The following NOL4 variants were observed in gnomAD, a reference collection of about 807,000 sequenced individuals.
The protein encoded by NOL4 is nucleolar protein 4.
Under a neutral mutation model 75.9 loss-of-function variants are expected in NOL4, and 17 were observed. The observed-to-expected ratio is 0.22, with a 90% CI of 0.15 to 0.34. The LOEUF (loss-of-function observed/expected upper bound fraction) is 0.34, where lower values mean the gene tolerates loss of function less well. Among genes scored for constraint, NOL4 ranks in the 10% least tolerant of loss-of-function variants. NOL4 has a pLI of 1.00. For synonymous variants in NOL4, 292 were observed against 289.9 expected (o/e 1.01, Z -0.07); for missense variants, 614 against 793.5 (o/e 0.77, Z 2.72).
At chr18:34,007,084 C>T (rs550567519) in intron 6 of NOL4, among the ~76,000 whole-genome samples, 8 of 152,100 alleles carry the variant, frequency 5.3e-5, no homozygotes, top group African/African-American at 1.9e-4. Context: ...CCAGGAGACA[C>T]AACAATGATT....
intron 1 of NOL4, among the ~76,000 whole-genome samples, chr18:34,131,710 C>T (rs2080659270): frequency 6.6e-6 from 1 of 152,092 alleles, no homozygotes; most frequent in Admixed American, 6.6e-5. Context: ...ACTCATTTAT[C>T]TAGCTAAATA....
chr18:33,919,487 T>C (rs964027628), intron 9 of NOL4, among the ~76,000 whole-genome samples: 2 of 152,196 alleles, frequency 1.3e-5, no homozygotes, highest in African/African-American at 4.8e-5. Flanking sequence ...CAGTGGTCAC[T>C]TCCATAATGC....
intron 6 of NOL4, among the ~76,000 whole-genome samples, chr18:34,013,843 AGT>A (rs1369890338): frequency 1.3e-5 from 2 of 151,814 alleles, no homozygotes; most frequent in Non-Finnish European, 2.9e-5. Context: ...CACTCAGGAG[AGT>A]GTCTCACACA....
intron 5 of NOL4, among the ~76,000 whole-genome samples, chr18:34,036,526 C>G (rs1320812083): frequency 6.6e-6 from 1 of 152,162 alleles, no homozygotes. Flanking sequence ...AGGTTGAAAG[C>G]TTTTTCCTTA....
rs563717153 is a variant in NOL4 at position 33,939,340 on chromosome 18, A to C, written c.1542+3725T>G. 4.4e-4 allele frequency among the ~76,000 whole-genome samples: 67 copies of C among 152,216 alleles called. No individual in the cohort carries two copies. The South Asian group carries it at 0.013, about 30-fold the overall frequency. On this transcript the variant is annotated intron_variant, in intron 9 of 10. Coordinates refer to ENST00000261592, the MANE Select transcript of NOL4 (RefSeq NM_003787.5). Reference sequence around the variant, plus strand: ...AAGTCAATGGTAGCTTGATGGGGATAACAATGAATCTATAAATTACTTTGG... The same window carrying C: ...AAGTCAATGGTAGCTTGATGGGGATCACAATGAATCTATAAATTACTTTGG...
intron 5 of NOL4, among the ~76,000 whole-genome samples, chr18:34,071,958 C>G (rs1035386964): frequency 6.6e-6 from 1 of 152,108 alleles, no homozygotes; most frequent in South Asian, 2.1e-4. Flanking sequence ...AGGGGCCAGG[C>G]GCAGTAGCTC....
chr18:33,958,410 TGCA>T lies in NOL4; in HGVS notation c.1062_1064del (p.Ala355del). ...CAGAGTCATAGCTGGAGTAACTATG[TGCA>T]GGAGACTGAAAAGAGAAGGTGAAAT... On this transcript the variant is annotated inframe_deletion, in exon 7 of 11. Coordinates refer to ENST00000261592, the MANE Select transcript of NOL4 (RefSeq NM_003787.5). 6.2e-7 allele frequency: 1 copy of T among 1,604,238 alleles called. No individual in the cohort carries two copies. The highest frequency in any genetic ancestry group is 8.5e-7 in the Non-Finnish European group (1 of 1,175,054).
intron 2 of NOL4, among the ~76,000 whole-genome samples, chr18:34,105,751 T>A (rs2079243117): frequency 6.6e-6 from 1 of 152,028 alleles, no homozygotes; most frequent in Non-Finnish European, 1.5e-5. Context: ...ATTTCATTCA[T>A]TTTATGTCAA....
intron 2 of NOL4, among the ~76,000 whole-genome samples, chr18:34,114,635 T>C (rs1386569568): frequency 6.6e-6 from 1 of 152,226 alleles, no homozygotes; most frequent in Non-Finnish European, 1.5e-5. Flanking sequence ...ACTGTGGTTT[T>C]ACTACCATTA....
At chr18:34,104,631 T>C (rs754554633) in intron 3 of NOL4, among the ~76,000 whole-genome samples, 37 of 151,972 alleles carry the variant, frequency 2.4e-4, no homozygotes, top group Non-Finnish European at 4.1e-4. Flanking sequence ...TTCAATAATT[T>C]TAATGAGAGC....
In NOL4 at chr18:34,064,617, T is replaced by C. The variant is rs559224101; in HGVS notation, c.772+28848A>G. Among the ~76,000 whole-genome samples, 4 of 152,106 alleles carry C rather than the reference T, an allele frequency of 2.6e-5. No homozygotes were observed. The South Asian group carries it at 8.3e-4, about 31-fold the overall frequency. ...AATACCAATTTATGCTCATAGATTA[T>C]TATTATTATGAAAACTACCCTTTGA... On this transcript the variant is annotated intron_variant, in intron 5 of 10. Transcript: ENST00000261592.
At chr18:34,128,650 A>C (rs1424153849) in intron 2 of NOL4, among the ~76,000 whole-genome samples, 2 of 152,048 alleles carry the variant, frequency 1.3e-5, no homozygotes, top group South Asian at 2.1e-4. Context: ...GGAAACTTAC[A>C]ATAGTGCCTG....
chr18:33,970,879 G>A (rs2071001573), intron 6 of NOL4, among the ~76,000 whole-genome samples: 1 of 152,100 alleles, frequency 6.6e-6, no homozygotes, highest in Non-Finnish European at 1.5e-5. Flanking sequence ...TCCATACAAT[G>A]TGTGAAAAGA....
At chr18:34,210,689 GGTCATAC>G (rs2036454219) in intron 1 of NOL4, among the ~76,000 whole-genome samples, 1 of 152,126 alleles carries the variant, frequency 6.6e-6, no homozygotes, top group South Asian at 2.1e-4. Flanking sequence ...GTTACAGTCT[GGTCATAC>G]AGTGTTATAG....
At chr18:34,017,329 T>C (rs2074755942) in intron 6 of NOL4, among the ~76,000 whole-genome samples, 1 of 152,102 alleles carries the variant, frequency 6.6e-6, no homozygotes. Flanking sequence ...TGCTACCTAC[T>C]CCATTGCTGC....
chr18:34,208,205 T>C (rs2036256846), intron 1 of NOL4, among the ~76,000 whole-genome samples: 1 of 152,182 alleles, frequency 6.6e-6, no homozygotes, highest in African/African-American at 2.4e-5. Context: ...CTGCTATTGT[T>C]TGTTTCTCAG....
chr18:33,943,958 A>G (rs2068668026), intron 8 of NOL4, among the ~76,000 whole-genome samples: 1 of 151,910 alleles, frequency 6.6e-6, no homozygotes, highest in African/African-American at 2.4e-5. Flanking sequence ...AACAAAAATT[A>G]TGATTTTCAT....
At chr18:34,033,328 T>C (rs2075734061) in intron 5 of NOL4, among the ~76,000 whole-genome samples, 1 of 151,980 alleles carries the variant, frequency 6.6e-6, no homozygotes, top group Non-Finnish European at 1.5e-5. Flanking sequence ...ATTCAGGACA[T>C]GAATGAAAAT....
At chr18:34,088,638 T>A (rs560754088) in intron 5 of NOL4, among the ~76,000 whole-genome samples, 1 of 152,248 alleles carries the variant, frequency 6.6e-6, no homozygotes, top group East Asian at 1.9e-4. Flanking sequence ...TTGCTTTTAC[T>A]CATGCTTTCA....
Sources: gnomAD v4.1 joint callset for allele counts (sites outside exome capture counted in the v4.1 genomes callset) on GRCh38, gnomAD v4.1.1 for gene constraint, MANE v1.5 for transcripts, NCBI Gene and HGNC (gene_info 2026-07-23, HGNC 2026-07-21) for gene names.